Variants in STK33 observed in about 807,000 individuals in gnomAD.
STK33 encodes the protein serine/threonine kinase 33.
Under a neutral mutation model 58.0 loss-of-function variants are expected in STK33, and 52 were observed. The observed-to-expected ratio is 0.90, with a 90% CI of 0.72 to 1.13. STK33 has a LOEUF of 1.13. Ranked by LOEUF, STK33 falls within the 50% of genes most tolerant of loss-of-function variation. The probability of loss-of-function intolerance (pLI) is 0.00; values close to 1 mark genes in which losing one functional copy is unlikely to be tolerated. For synonymous variants in STK33, 215 were observed against 200.1 expected (o/e 1.07, Z -0.63); for missense variants, 630 against 604.2 (o/e 1.04, Z -0.45).
At chr11:8,473,071 T>C in intron 6 of STK33, 92 bp downstream of exon 6, 1 of 766,418 alleles carries the variant, frequency 1.3e-6, no homozygotes, top group South Asian at 2.1e-5. Flanking sequence ...CTTCCTTTCC[T>C]TAGAGATTTA....
intron 15 of STK33, among the ~76,000 whole-genome samples, chr11:8,405,131 A>T (rs1938877070): frequency 6.6e-6 from 1 of 152,212 alleles, no homozygotes; most frequent in Non-Finnish European, 1.5e-5. Flanking sequence ...GCAAGACTCC[A>T]TCACACACAT....
intron 1 of STK33, among the ~76,000 whole-genome samples, chr11:8,555,667 A>C (rs182699816): frequency 2.6e-5 from 4 of 152,170 alleles, no homozygotes. Context: ...TCCATCTTAA[A>C]ATAAAATAAA....
chr11:8,366,653 A>G, the STK33 span, among the ~76,000 whole-genome samples: 1 of 152,224 alleles, frequency 6.6e-6, no homozygotes, highest in Non-Finnish European at 1.5e-5. Flanking sequence ...GTGCAGGAAC[A>G]GGGGCATCCA....
At chr11:8,386,039 C>T in the STK33 span, among the ~76,000 whole-genome samples, 1 of 152,216 alleles carries the variant, frequency 6.6e-6, no homozygotes, top group East Asian at 1.9e-4. Flanking sequence ...TCCCAAAGTG[C>T]TGGGATTACA....
chr11:8,553,172 A>ATATATATATATATATATATATATATATTG (rs1956433141), intron 1 of STK33, among the ~76,000 whole-genome samples: 1 of 45,174 alleles, frequency 2.2e-5, no homozygotes, highest in Non-Finnish European at 3.8e-5. Flanking sequence ...AATAAAATAT[A>ATATATATATATATATATATATATATATTG]TATATATATA....
At chr11:8,514,348 G>C (rs1029515290) in intron 1 of STK33, among the ~76,000 whole-genome samples, 2 of 152,032 alleles carry the variant, frequency 1.3e-5, no homozygotes, top group Non-Finnish European at 2.9e-5. Flanking sequence ...TTAAACCTTT[G>C]TGGGTTAGCC....
chr11:8,393,356 G>A (rs1242692237), intron 15 of STK33, among the ~76,000 whole-genome samples: 3 of 152,232 alleles, frequency 2.0e-5, no homozygotes, highest in African/African-American at 7.2e-5. Flanking sequence ...AAAACAAGCA[G>A]ATGGAGTTTT....
intron 1 of STK33, among the ~76,000 whole-genome samples, chr11:8,519,641 T>C (rs1293285099): frequency 5.3e-5 from 8 of 151,750 alleles, no homozygotes. Flanking sequence ...ATAGACACAA[T>C]AAAAAATGAT....
At chr11:8,484,617 G>A (rs979674097) in intron 1 of STK33, among the ~76,000 whole-genome samples, 6 of 152,168 alleles carry the variant, frequency 3.9e-5, no homozygotes, top group Admixed American at 3.3e-4. Context: ...ATATGTAAAT[G>A]CTGAATAGCA....
intron 8 of STK33, among the ~76,000 whole-genome samples, chr11:8,460,165 G>A (rs1947341638): frequency 6.6e-6 from 1 of 152,056 alleles, no homozygotes; most frequent in Non-Finnish European, 1.5e-5. Flanking sequence ...ATCCAACAAG[G>A]TAAAATTCAC....
At chr11:8,498,789 A>G (rs2139026898) in intron 1 of STK33, among the ~76,000 whole-genome samples, 1 of 152,292 alleles carries the variant, frequency 6.6e-6, no homozygotes, top group Middle Eastern at 3.4e-3. Context: ...CACATCTACA[A>G]TCATCTGATC....
chr11:8,497,482 T>C (rs1052168229), intron 1 of STK33, among the ~76,000 whole-genome samples: 44 of 152,180 alleles, frequency 2.9e-4, no homozygotes, highest in African/African-American at 1.0e-3. Context: ...TCTTTTTCTT[T>C]TTCTTGAGAC....
intron 14 of STK33, among the ~76,000 whole-genome samples, chr11:8,426,204 G>T (rs1011360561): frequency 6.6e-6 from 1 of 152,206 alleles, no homozygotes; most frequent in African/African-American, 2.4e-5. Context: ...GAGATGGAGT[G>T]GGAAGGTGGT....
At chr11:8,516,386 G>C (rs1308207989) in intron 1 of STK33, among the ~76,000 whole-genome samples, 1 of 152,210 alleles carries the variant, frequency 6.6e-6, no homozygotes, top group Admixed American at 6.5e-5. Context: ...CAGATTCCTA[G>C]ATGGCCGAAT....
At chr11:8,495,676 T>A (rs535529012) in intron 1 of STK33, among the ~76,000 whole-genome samples, 4 of 152,094 alleles carry the variant, frequency 2.6e-5, no homozygotes, top group Admixed American at 2.6e-4. Flanking sequence ...CTATTCACAA[T>A]AGGAAAGACT....
intron 15 of STK33, among the ~76,000 whole-genome samples, chr11:8,401,714 C>A (rs1424654162): frequency 2.0e-5 from 3 of 152,178 alleles, no homozygotes; most frequent in Non-Finnish European, 2.9e-5. Flanking sequence ...TTTTTGCAAT[C>A]TACTCATCTG....
chr11:8,369,295 CTGTGTGTGTG>C, the STK33 span, among the ~76,000 whole-genome samples: 2,970 of 137,736 alleles, frequency 0.022, 88 homozygotes, highest in Admixed American at 0.072. Context: ...GGTTTTTACT[CTGTGTGTGTG>C]TGTGTGTGTG....
chr11:8,445,718 C>T (rs1215056070), intron 11 of STK33, among the ~76,000 whole-genome samples: 1 of 152,190 alleles, frequency 6.6e-6, no homozygotes, highest in Non-Finnish European at 1.5e-5. Context: ...CCTTGCATCC[C>T]AGAGATGAAG....
intron 1 of STK33, among the ~76,000 whole-genome samples, chr11:8,541,117 C>T (rs962617803): frequency 2.6e-5 from 4 of 151,558 alleles, no homozygotes; most frequent in Admixed American, 2.6e-4. Context: ...CAATTAAGGA[C>T]CTCTAAAGAA....
Sources: allele counts gnomAD v4.1 joint callset (sites outside exome capture counted in the v4.1 genomes callset), GRCh38; gene constraint gnomAD v4.1.1; transcripts MANE v1.5; gene names NCBI Gene and HGNC (gene_info 2026-07-23, HGNC 2026-07-21).